NT5C3A: variants seen among roughly 807,000 people sequenced by gnomAD.
The protein encoded by NT5C3A is 5'-nucleotidase, cytosolic IIIA, also known as cytosolic 5'-nucleotidase 3A.
Under a neutral mutation model 40.0 loss-of-function variants are expected in NT5C3A, and 23 were observed. The ratio of observed to expected loss-of-function variants is 0.58; its 90% CI spans 0.41 to 0.81. The LOEUF (loss-of-function observed/expected upper bound fraction) is 0.81, where lower values mean the gene tolerates loss of function less well. Ranked by LOEUF, NT5C3A falls within the 40% of genes least tolerant of loss-of-function variation. NT5C3A has a pLI of 0.00. For missense variants in NT5C3A, 328 were observed against 403.0 expected (o/e 0.81, Z 1.59); for synonymous variants, 130 against 141.4 (o/e 0.92, Z 0.57).
intron 1 of NT5C3A, among the ~76,000 whole-genome samples, chr7:33,037,352 T>G (rs1375840092): frequency 6.7e-6 from 1 of 148,938 alleles, no homozygotes; most frequent in East Asian, 1.9e-4. Flanking sequence ...TTAGGGAAAA[T>G]TACTAAGCTA....
Position 33,031,800 on chromosome 7 carries a change from CTA to C in NT5C3A, c.139-4887_139-4886del, listed in dbSNP as rs1786274964. On this transcript the variant is annotated intron_variant, in intron 1 of 8. Coordinates refer to ENST00000610140, the MANE Select transcript of NT5C3A (RefSeq NM_001002010.5). The stretch of plus-strand genomic sequence containing the variant: ...TTAATTTATAAATATGTATGTTCAT[CTA>C]TATGAGTTTCATTTATTTATTATTT... Among the ~76,000 whole-genome samples the C allele has an allele frequency of 2.6e-5, 4 of 152,008 alleles. No individual in the cohort carries two copies. The South Asian group carries it at 6.2e-4, about 24-fold the overall frequency.
chr7:33,041,155 T>C, intron 1 of NT5C3A: 7 of 984,852 alleles, frequency 7.1e-6, no homozygotes, highest in Non-Finnish European at 8.4e-6. Flanking sequence ...CAACTGGCTC[T>C]GGAAAGAAAA....
intron 1 of NT5C3A, among the ~76,000 whole-genome samples, chr7:33,054,095 T>C (rs2392214): frequency 1 from 152,286 of 152,288 alleles, 76,142 homozygotes; most frequent in Non-Finnish European, 1. Context: ...GTGGCACATG[T>C]CTGTAATCCC....
intron 1 of NT5C3A, among the ~76,000 whole-genome samples, chr7:33,047,679 T>G (rs1244503546): frequency 6.6e-6 from 1 of 152,086 alleles, no homozygotes; most frequent in Non-Finnish European, 1.5e-5. Context: ...ATTATATACA[T>G]AGAAAAATAA....
At chr7:33,029,089 A>C (rs1786103684) in intron 1 of NT5C3A, 1 of 152,192 alleles carries the variant, frequency 6.6e-6, no homozygotes, top group South Asian at 2.1e-4. Flanking sequence ...TTTAATTTTA[A>C]AAAGCCATAT....
At chr7:33,041,229 G>A in intron 1 of NT5C3A, 1 of 652,434 alleles carries the variant, frequency 1.5e-6, no homozygotes. Flanking sequence ...TGGTTTGTCA[G>A]TGTACTTCTG....
chr7:33,059,739 A>G (rs1017880220), intron 1 of NT5C3A, among the ~76,000 whole-genome samples: 7 of 152,232 alleles, frequency 4.6e-5, no homozygotes, highest in Admixed American at 4.6e-4. Context: ...CTAGGTTTGT[A>G]TGACTCTACA....
At chr7:33,019,262 A>G (rs1785501258) in intron 6 of NT5C3A, among the ~76,000 whole-genome samples, 1 of 152,140 alleles carries the variant, frequency 6.6e-6, no homozygotes, top group Non-Finnish European at 1.5e-5. Context: ...TCTTTAAAAA[A>G]AAAAAAAAGT....
At position 33,026,800 on chromosome 7, in the gene NT5C3A, T is replaced by G. The variant is rs372333261; in HGVS notation, c.237+17A>C. The G allele has an allele frequency of 1.9e-6, 3 of 1,548,148 alleles. No homozygotes were observed. The highest frequency in any genetic ancestry group is 2.7e-6 in the Non-Finnish European group (3 of 1,122,416). ...TGAGCCAACACACACAGCCAAGGCT[T>G]CTTGATAATTATTCACCTGAAGTTT... On this transcript the variant is annotated intron_variant, in intron 2 of 8. Transcript: ENST00000610140.
intron 1 of NT5C3A, among the ~76,000 whole-genome samples, chr7:33,055,351 G>C (rs1014247958): frequency 6.6e-6 from 1 of 151,706 alleles, no homozygotes; most frequent in African/African-American, 2.4e-5. Flanking sequence ...AAGCTGTTCT[G>C]AGTTTGTGTT....
At position 33,025,236 on chromosome 7, in the gene NT5C3A, A is replaced by G. The variant is rs144745958; in HGVS notation, c.238-1128T>C. On this transcript the variant is annotated intron_variant, in intron 2 of 8. Transcript: ENST00000610140. ...ATTTGCAATTGCAGGTGATATGGCT[A>G]CTCTTCTCACTAGAGATTTTCGACC... Among the ~76,000 whole-genome samples the G allele has an allele frequency of 1.3e-3, 194 of 152,304 alleles. 3 individuals carry two copies. In the East Asian group the frequency reaches 0.036, roughly 28 times the overall value.
chr7:33,019,670 AAG>A lies in NT5C3A; in HGVS notation c.493_494del (p.Leu165Ter), dbSNP rs1183980747. On this transcript the variant is annotated frameshift_variant, in exon 6 of 9. Transcript: ENST00000610140. LOFTEE classifies it high-confidence loss of function. ...LVQQALPKAK[L>X]KEIVAESDVM... ...CGTCAGATTCTGCCACAATTTCTTTAAGTTTAGCTTTTGGTAAAGCTTGCTGA... is the reference window on the plus strand; with the variant it reads ...CGTCAGATTCTGCCACAATTTCTTTATTTAGCTTTTGGTAAAGCTTGCTGA... The A allele has an allele frequency of 6.2e-7, 1 of 1,610,092 alleles. No individual in the cohort carries two copies. Among genetic ancestry groups the A allele is most frequent in the Non-Finnish European group, 8.5e-7 (1 of 1,177,538 alleles).
intron 2 of NT5C3A, among the ~76,000 whole-genome samples, chr7:33,026,038 T>C (rs1294557785): frequency 6.6e-6 from 1 of 152,122 alleles, no homozygotes; most frequent in Non-Finnish European, 1.5e-5. Context: ...ATATAAAAAT[T>C]AGCTGGGTGT....
intron 1 of NT5C3A, among the ~76,000 whole-genome samples, chr7:33,062,200 G>C (rs1303174775): frequency 6.6e-6 from 1 of 152,152 alleles, no homozygotes; most frequent in African/African-American, 2.4e-5. Context: ...GGCAGGGAGA[G>C]AAGGAGCCAC....
chr7:33,021,207 A>T, intron 5 of NT5C3A, 65 bp downstream of exon 5: 1 of 1,595,434 alleles, frequency 6.3e-7, no homozygotes, highest in South Asian at 1.1e-5. Flanking sequence ...ATAAGCCATC[A>T]GTTGTAACTG....
chr7:33,015,436 G>A (rs548755946), intron 8 of NT5C3A, among the ~76,000 whole-genome samples: 3 of 152,152 alleles, frequency 2.0e-5, no homozygotes, highest in Admixed American at 6.6e-5. Flanking sequence ...AGTGGTGTGC[G>A]CCTGTAGTTC....
At chr7:33,020,186 C>CT (rs1785547853) in intron 5 of NT5C3A, among the ~76,000 whole-genome samples, 1 of 152,148 alleles carries the variant, frequency 6.6e-6, no homozygotes, top group African/African-American at 2.4e-5. Flanking sequence ...GATTAGCCTG[C>CT]TTTATGTAGA....
chr7:33,048,678 C>T (rs922880207), intron 1 of NT5C3A, among the ~76,000 whole-genome samples: 4 of 152,114 alleles, frequency 2.6e-5, no homozygotes, highest in Non-Finnish European at 4.4e-5. Flanking sequence ...TCCAAGACCC[C>T]CGGGTCACTT....
At position 33,060,284 on chromosome 7, in the gene NT5C3A, A is replaced by G. The variant is rs547796096; in HGVS notation, c.138+2284T>C. 1.1e-4 allele frequency among the ~76,000 whole-genome samples: 16 copies of G among 152,138 alleles called. 1 individual carries two copies. The South Asian group carries it at 3.1e-3, about 30-fold the overall frequency. ...AACCTTTGATGATCCTTTGTTGCAA[A>G]ATAAAGAGCAAACTCTTTATAATGG... On this transcript the variant is annotated intron_variant, in intron 1 of 8. Coordinates refer to ENST00000610140, the MANE Select transcript of NT5C3A (RefSeq NM_001002010.5).
Sources: allele counts gnomAD v4.1 joint callset (sites outside exome capture counted in the v4.1 genomes callset), GRCh38; gene constraint gnomAD v4.1.1; transcripts MANE v1.5; gene names NCBI Gene and HGNC (gene_info 2026-07-23, HGNC 2026-07-21).